Variants in ASIC5 observed in about 807,000 individuals in gnomAD.
The protein encoded by ASIC5 is acid sensing ion channel subunit family member 5, also known as bile acid-sensitive ion channel.
ASIC5 carries 52 observed loss-of-function variants against 51.2 expected under a neutral mutation model. The observed-to-expected ratio is 1.02, with a 90% confidence interval of 0.81 to 1.28. The LOEUF (loss-of-function observed/expected upper bound fraction) is 1.28, where lower values mean the gene tolerates loss of function less well. Among genes scored for constraint, ASIC5 ranks in the 50% most tolerant of loss-of-function variants. The pLI, the probability that ASIC5 is intolerant of heterozygous loss-of-function variation, is 0.00. For missense variants in ASIC5, 635 were observed against 595.0 expected, an observed-to-expected ratio of 1.07 and a Z score of -0.70; for synonymous variants, 231 against 200.7, an observed-to-expected ratio of 1.15 and a Z score of -1.28.
rs775367145 is a variant in ASIC5 at position 155,838,809 on chromosome 4, T to G, written c.1066+4A>C. The G allele has an allele frequency of 1.3e-6, 2 of 1,564,026 alleles. No homozygotes were observed. Among genetic ancestry groups the G allele is most frequent in the East Asian group, 2.3e-5 (1 of 44,280 alleles). On this transcript the variant is annotated splice_donor_region_variant and intron_variant, in intron 7 of 9. Transcript: ENST00000537611. ...CTGAAAATAAAAGTAAATTAAGCAC[T>G]TACCAAGTACAGGAGAAACACAGCT...
At chr4:155,849,348 C>T (rs984599822) in intron 4 of ASIC5, among the ~76,000 whole-genome samples, 2 of 151,888 alleles carry the variant, frequency 1.3e-5, no homozygotes, top group Non-Finnish European at 2.9e-5. Flanking sequence ...CGGCTGGGCT[C>T]GGCTTTTAAA....
intron 4 of ASIC5, among the ~76,000 whole-genome samples, chr4:155,846,034 A>G (rs1741235482): frequency 6.6e-6 from 1 of 152,084 alleles, no homozygotes; most frequent in Non-Finnish European, 1.5e-5. Flanking sequence ...TTCACTACAG[A>G]AAATATATAA....
chr4:155,844,207 C>A (rs1200984079), intron 4 of ASIC5, among the ~76,000 whole-genome samples: 2 of 151,984 alleles, frequency 1.3e-5, no homozygotes, highest in East Asian at 3.9e-4. Context: ...ATAGCCCAAA[C>A]CAATAGGACG....
At chr4:155,862,532 G>A (rs899111079) in intron 2 of ASIC5, among the ~76,000 whole-genome samples, 1 of 152,082 alleles carries the variant, frequency 6.6e-6, no homozygotes, top group Non-Finnish European at 1.5e-5. Context: ...GGTATTTCAT[G>A]CTTCACCACA....
rs72956432 is a variant in ASIC5, at chr4:155,850,326, C to A, written c.711+1865G>T. Among the ~76,000 whole-genome samples, 3 of 151,832 alleles carry A rather than the reference C, an allele frequency of 2.0e-5. No individual in the cohort carries two copies. In the South Asian group the frequency reaches 6.2e-4, roughly 32 times the overall value. Reference sequence around the variant, plus strand: ...TGACCTTGAAGCCTCCTCCCTGCTTCAAGTTGTCCCCACCTTTCTGGATAA... The same window carrying A: ...TGACCTTGAAGCCTCCTCCCTGCTTAAAGTTGTCCCCACCTTTCTGGATAA... On this transcript the variant is annotated intron_variant, in intron 4 of 9. Transcript: ENST00000537611.
chr4:155,847,171 T>A (rs1741270503), intron 4 of ASIC5, among the ~76,000 whole-genome samples: 1 of 152,080 alleles, frequency 6.6e-6, no homozygotes, highest in Non-Finnish European at 1.5e-5. Context: ...ACCAAAAACT[T>A]TAATATGATC....
chr4:155,830,359 C>G (rs757600444), intron 9 of ASIC5, among the ~76,000 whole-genome samples: 2 of 152,014 alleles, frequency 1.3e-5, no homozygotes, highest in African/African-American at 4.8e-5. Context: ...AAACTCATTT[C>G]TAGGTGTTAA....
chr4:155,861,774 A>G (rs529966396), intron 2 of ASIC5, among the ~76,000 whole-genome samples: 9 of 151,892 alleles, frequency 5.9e-5, no homozygotes, highest in Admixed American at 5.3e-4. Flanking sequence ...GCAAAACCTT[A>G]TCAATTTCTG....
In ASIC5 at chr4:155,829,745, T is replaced by C. The variant is rs1740831295; in HGVS notation, c.*111A>G. 2 of 618,618 alleles carry C rather than the reference T, an allele frequency of 3.2e-6. No homozygotes were observed. Among genetic ancestry groups the C allele is most frequent in the Non-Finnish European group, 5.3e-6 (2 of 375,210 alleles). The allele number at this position is 618,618 out of a possible 1,614,324, so 38.3% of individuals were successfully genotyped here. ...ATATATATGAAGAGATACATATCTT[T>C]AATGGCTTTTATCGAACTCTCAAAA... On this transcript the variant is annotated 3_prime_UTR_variant, in exon 10 of 10. Transcript: ENST00000537611.
chr4:155,863,158 T>C (rs935753903), intron 2 of ASIC5, among the ~76,000 whole-genome samples: 1 of 152,028 alleles, frequency 6.6e-6, no homozygotes, highest in East Asian at 1.9e-4. Flanking sequence ...GTCTGGGCAA[T>C]GTAGTGAAAC....
chr4:155,864,880 T>C (rs548001185), intron 1 of ASIC5: 2 of 152,276 alleles, frequency 1.3e-5, no homozygotes, highest in South Asian at 2.1e-4. Context: ...TAGTTCTTAA[T>C]GGCTTTATAT....
At chr4:155,843,196 T>G (rs192346137) in intron 5 of ASIC5, among the ~76,000 whole-genome samples, 37 of 152,244 alleles carry the variant, frequency 2.4e-4, no homozygotes, top group African/African-American at 8.4e-4. Context: ...TTTATGGTAC[T>G]TCACTTAAAC....
chr4:155,862,443 A>G (rs570637761), intron 2 of ASIC5, among the ~76,000 whole-genome samples: 2 of 152,248 alleles, frequency 1.3e-5, no homozygotes, highest in Admixed American at 1.3e-4. Context: ...ATTAACACTA[A>G]GAAGGCTGAG....
intron 2 of ASIC5, among the ~76,000 whole-genome samples, chr4:155,858,674 G>A (rs1411707947): frequency 6.6e-6 from 1 of 152,000 alleles, no homozygotes; most frequent in Admixed American, 6.6e-5. Flanking sequence ...GTGGGCAGTA[G>A]GGGAAAAAGG....
At chr4:155,837,714 G>T (rs1418727616) in intron 7 of ASIC5, among the ~76,000 whole-genome samples, 2 of 151,800 alleles carry the variant, frequency 1.3e-5, no homozygotes, top group African/African-American at 4.8e-5. Flanking sequence ...AGCATTGCTG[G>T]CAAAGACCAC....
At position 155,854,185 on chromosome 4, in the gene ASIC5, T is replaced by C; in HGVS notation, c.477A>G (p.Ala159=). 1 of 1,613,446 alleles carries C rather than the reference T, an allele frequency of 6.2e-7. No homozygotes were observed. Among genetic ancestry groups the C allele is most frequent in the Non-Finnish European group, 8.5e-7 (1 of 1,179,634 alleles). The change falls in exon 3 of 10, where the codon GCA becomes GCG. Residue 159 remains alanine, a synonymous_variant. Transcript: ENST00000537611. ...CCACAATGCTGAAGTTTTGGTGACTTGCAGCAAAATCAGTAGCCTCTCTAG... is the reference window on the plus strand; with the variant it reads ...CCACAATGCTGAAGTTTTGGTGACTCGCAGCAAAATCAGTAGCCTCTCTAG... The part of the protein sequence containing the change: ...TGSREATDFA[A]SHQNFSIVEF...
At chr4:155,850,857 A>C (rs189218837) in intron 4 of ASIC5, among the ~76,000 whole-genome samples, 3 of 152,154 alleles carry the variant, frequency 2.0e-5, no homozygotes, top group Admixed American at 1.3e-4. Context: ...CAGATGAAGA[A>C]ATTTAAGAGT....
At chr4:155,835,132 C>T (rs761199616) in intron 8 of ASIC5, among the ~76,000 whole-genome samples, 1 of 152,120 alleles carries the variant, frequency 6.6e-6, no homozygotes, top group Non-Finnish European at 1.5e-5. Context: ...TCTGCCCTTG[C>T]GATAAGGCAG....
At chr4:155,837,776 C>T (rs1741019622) in intron 7 of ASIC5, among the ~76,000 whole-genome samples, 1 of 151,944 alleles carries the variant, frequency 6.6e-6, no homozygotes, top group Non-Finnish European at 1.5e-5. Flanking sequence ...CACACATAGG[C>T]TCACATGCAC....
Sources: gnomAD v4.1 joint callset for allele counts (sites outside exome capture counted in the v4.1 genomes callset) on GRCh38, gnomAD v4.1.1 for gene constraint, MANE v1.5 for transcripts, NCBI Gene and HGNC (gene_info 2026-07-23, HGNC 2026-07-21) for gene names.